The following PLEKHA7 variants were observed in gnomAD, a reference collection of about 807,000 sequenced individuals.
PLEKHA7 encodes the protein pleckstrin homology domain containing A7.
Under a neutral mutation model 170.0 loss-of-function variants are expected in PLEKHA7, and 104 were observed. The ratio of observed to expected loss-of-function variants is 0.61; its 90% CI spans 0.52 to 0.72. The LOEUF (loss-of-function observed/expected upper bound fraction) is 0.72, where lower values mean the gene tolerates loss of function less well. Among genes scored for constraint, PLEKHA7 ranks in the 30% least tolerant of loss-of-function variants. PLEKHA7 has a pLI of 0.00. For synonymous variants in PLEKHA7, 648 were observed against 660.8 expected (o/e 0.98, Z 0.30); for missense variants, 1,615 against 1,671.7 (o/e 0.97, Z 0.59).
chr11:16,810,550 G>A (rs1174089876), intron 13 of PLEKHA7, among the ~76,000 whole-genome samples: 3 of 152,194 alleles, frequency 2.0e-5, no homozygotes, highest in African/African-American at 4.8e-5. Context: ...CTTAGCAACC[G>A]GGGTAGCAGC....
chr11:16,830,545 G>A (rs193010061), intron 9 of PLEKHA7, among the ~76,000 whole-genome samples: 1 of 152,212 alleles, frequency 6.6e-6, no homozygotes, highest in African/African-American at 2.4e-5. Flanking sequence ...AAGCCAGACA[G>A]TGAAACAAAT....
Position 16,783,769 on chromosome 11 carries a change from G to A in PLEKHA7, c.3581C>T (p.Pro1194Leu), listed in dbSNP as rs1035422769. The A allele has an allele frequency of 6.6e-7, 1 of 1,515,642 alleles. No individual in the cohort carries two copies. The highest frequency in any genetic ancestry group is 8.8e-7 in the Non-Finnish European group (1 of 1,137,178). The allele number at this position is 1,515,642 out of a possible 1,614,324, so 93.9% of individuals were successfully genotyped here. The change falls in exon 25 of 27, where the codon CCC becomes CTC. Residue 1194 changes from proline (P) to leucine (L), a missense_variant. Physicochemically the swap from Pro to Leu is moderately conservative, Grantham distance 98. Coordinates refer to ENST00000531066, the MANE Select transcript of PLEKHA7 (RefSeq NM_001329630.2). The part of the protein sequence containing the change: ...RYVELDPEEP[P>L]SLEELQARYR... ...CCGCGCCTGCAGCTCCTCAAGGCTG[G>A]GTGGCTCTTCGGGATCTAGCTCCAC...
chr11:17,002,999 T>TTTTG (rs1864767372), intron 3 of PLEKHA7, among the ~76,000 whole-genome samples: 1 of 150,372 alleles, frequency 6.7e-6, no homozygotes. Flanking sequence ...CTTTTTTTTT[T>TTTTG]TTTTTTTTTT....
chr11:16,985,525 A>T (rs532958419), intron 3 of PLEKHA7, among the ~76,000 whole-genome samples: 1 of 149,166 alleles, frequency 6.7e-6, no homozygotes, highest in East Asian at 2.0e-4. Flanking sequence ...AAGGGGCAAG[A>T]GAGCTCTTGG....
intron 3 of PLEKHA7, among the ~76,000 whole-genome samples, chr11:16,969,165 C>T (rs1043770565): frequency 1.3e-5 from 2 of 152,116 alleles, no homozygotes; most frequent in Non-Finnish European, 2.9e-5. Flanking sequence ...TCTCCCATCC[C>T]CGCCACTCCC....
At chr11:16,991,769 G>A (rs1284127694) in intron 3 of PLEKHA7, among the ~76,000 whole-genome samples, 1 of 152,154 alleles carries the variant, frequency 6.6e-6, no homozygotes, top group African/African-American at 2.4e-5. Flanking sequence ...GAGCGGAGAG[G>A]TGCCATGACC....
intron 3 of PLEKHA7, among the ~76,000 whole-genome samples, chr11:16,940,205 T>A (rs1012106728): frequency 6.6e-6 from 1 of 151,764 alleles, no homozygotes; most frequent in Admixed American, 6.6e-5. Flanking sequence ...GGCTGGCACA[T>A]AGTAGGTACT....
chr11:16,839,174 T>G (rs1353002966), intron 9 of PLEKHA7, among the ~76,000 whole-genome samples: 3 of 152,018 alleles, frequency 2.0e-5, no homozygotes, highest in African/African-American at 7.2e-5. Flanking sequence ...TGAGTAAAAA[T>G]TAAAGGTGAT....
chr11:16,805,932 C>T (rs1848954599), intron 13 of PLEKHA7, among the ~76,000 whole-genome samples: 1 of 152,144 alleles, frequency 6.6e-6, no homozygotes, highest in South Asian at 2.1e-4. Context: ...GGGTGATGCC[C>T]TTCAGGGTGC....
At chr11:16,979,924 C>A (rs1590773934) in intron 3 of PLEKHA7, among the ~76,000 whole-genome samples, 2 of 152,192 alleles carry the variant, frequency 1.3e-5, no homozygotes, top group East Asian at 3.9e-4. Context: ...CTGTGTCTAC[C>A]CCCAGCTATC....
rs577835315 is a variant in PLEKHA7 at position 16,803,280 on chromosome 11, G to C, written c.2023C>G (p.Leu675Val). 1 of 1,613,786 alleles carries C rather than the reference G, an allele frequency of 6.2e-7. No individual in the cohort carries two copies. The highest frequency in any genetic ancestry group is 1.1e-5 in the South Asian group (1 of 91,074). ...GGCTTCAGACTTCGATCCTTGAGAA[G>C]GTCCCGGCCTGTCATCTGGGAGGCG... ...YLDLKMTGRD[L>V]LKDRSLKPVK... is the part of the protein sequence containing the mutation. Residue 675 changes from leucine (L) to valine (V), a missense_variant, in exon 14 of 27, where the codon CTT (leucine) becomes GTT (valine). Physicochemically the swap from Leu to Val is conservative, Grantham distance 32. Coordinates refer to ENST00000531066, the MANE Select transcript of PLEKHA7 (RefSeq NM_001329630.2).
At chr11:16,986,040 G>A (rs1360927837) in intron 3 of PLEKHA7, among the ~76,000 whole-genome samples, 1 of 152,218 alleles carries the variant, frequency 6.6e-6, no homozygotes, top group Admixed American at 6.5e-5. Context: ...CTGGATGGAA[G>A]GGGGCATTCC....
chr11:16,817,443 AG>A lies in PLEKHA7; in HGVS notation c.1344-122del. 1 of 993,866 alleles carries A rather than the reference AG, an allele frequency of 1.0e-6. No homozygotes were observed. Among genetic ancestry groups the A allele is most frequent in the Non-Finnish European group, 1.4e-6 (1 of 704,788 alleles). 61.6% of individuals were successfully genotyped at this position (993,866 alleles called of 1,614,324 possible). ...GGGACAGTCCTGTAAGAACCTCAAA[AG>A]AATGATCAAGGCCGACATCCAGGAC... On this transcript the variant is annotated intron_variant, in intron 10 of 26. Coordinates refer to ENST00000531066, the MANE Select transcript of PLEKHA7 (RefSeq NM_001329630.2). The surrounding 1 kb of genome is among the most constrained non-coding windows in gnomAD (Gnocchi z 4.4).
intron 3 of PLEKHA7, among the ~76,000 whole-genome samples, chr11:16,998,339 A>C (rs866525637): frequency 6.6e-6 from 1 of 152,018 alleles, no homozygotes; most frequent in Non-Finnish European, 1.5e-5. Flanking sequence ...CTTTCCACTG[A>C]CTCAAGGAGG....
intron 11 of PLEKHA7, 59 bp from the exon 12 acceptor site, chr11:16,816,323 G>A: frequency 2.4e-5 from 31 of 1,301,696 alleles, no homozygotes; most frequent in Non-Finnish European, 3.4e-5. Context: ...CTCACTCCCA[G>A]GGAAGCCGCC....
At chr11:16,964,271 T>G (rs1358436421) in intron 3 of PLEKHA7, among the ~76,000 whole-genome samples, 1 of 152,232 alleles carries the variant, frequency 6.6e-6, no homozygotes, top group African/African-American at 2.4e-5. Context: ...AATGCTGCAA[T>G]GCACCTAAGT....
At chr11:16,918,096 T>C (rs540348749) in intron 3 of PLEKHA7, among the ~76,000 whole-genome samples, 2 of 152,206 alleles carry the variant, frequency 1.3e-5, no homozygotes, top group Non-Finnish European at 2.9e-5. Context: ...TCTGAAAGTA[T>C]GGATAGATGA....
chr11:16,799,842 T>G (rs781354243), intron 17 of PLEKHA7, among the ~76,000 whole-genome samples: 11 of 152,164 alleles, frequency 7.2e-5, no homozygotes, highest in Non-Finnish European at 1.6e-4. Flanking sequence ...AGACCAGCCC[T>G]GAGCCACAGG....
At chr11:16,951,425 AC>A (rs1449885787) in intron 3 of PLEKHA7, among the ~76,000 whole-genome samples, 3 of 152,192 alleles carry the variant, frequency 2.0e-5, no homozygotes, top group African/African-American at 7.2e-5. Flanking sequence ...CTTACCACGA[AC>A]TGGGCTCTAG....
Sources: gnomAD v4.1 joint callset for allele counts (sites outside exome capture counted in the v4.1 genomes callset) on GRCh38, gnomAD v4.1.1 for gene constraint, Gnocchi (gnomAD v3.1) non-coding constraint, MANE v1.5 for transcripts, NCBI Gene and HGNC (gene_info 2026-07-23, HGNC 2026-07-21) for gene names.